Variants in PTPRT observed in about 807,000 individuals in gnomAD.
PTPRT encodes the protein protein tyrosine phosphatase receptor type T.
Under a neutral mutation model 176.8 loss-of-function variants are expected in PTPRT, and 56 were observed. That is an observed-to-expected ratio of 0.32 (90% CI 0.26 to 0.40). The LOEUF (loss-of-function observed/expected upper bound fraction) is 0.40, where lower values mean the gene tolerates loss of function less well. Ranked by LOEUF, PTPRT falls within the 10% of genes least tolerant of loss-of-function variation. PTPRT has a pLI of 1.00. For missense variants in PTPRT, 1,540 were observed against 1,908.2 expected (o/e 0.81, Z 3.60); for synonymous variants, 783 against 739.0 (o/e 1.06, Z -0.96).
At position 42,339,797 on chromosome 20, in the gene PTPRT, C is replaced by T. The variant is rs965729887; in HGVS notation, c.1865+10831G>A. ...TTATACCACTTCCCACATTCTATAT[C>T]CAGTGGAAGTGATGTGGGGAAATTT... On this transcript the variant is annotated intron_variant, in intron 11 of 30. Coordinates refer to ENST00000373187, the MANE Select transcript of PTPRT (RefSeq NM_007050.6). Among the ~76,000 whole-genome samples, 3 of 152,162 alleles carry T rather than the reference C, an allele frequency of 2.0e-5. No individual in the cohort carries two copies. The South Asian group carries it at 6.2e-4, about 31-fold the overall frequency.
intron 1 of PTPRT, among the ~76,000 whole-genome samples, chr20:43,120,114 T>G (rs2146357571): frequency 6.6e-6 from 1 of 152,254 alleles, no homozygotes; most frequent in East Asian, 1.9e-4. Context: ...TCCAGCACCC[T>G]GATTCTTAAA....
intron 2 of PTPRT, among the ~76,000 whole-genome samples, chr20:42,869,582 T>C (rs1348918902): frequency 6.6e-6 from 1 of 152,234 alleles, no homozygotes; most frequent in Non-Finnish European, 1.5e-5. Flanking sequence ...TTTGGAAGTA[T>C]ACAATTTGAT....
At chr20:42,656,526 T>C (rs1049464231) in intron 7 of PTPRT, among the ~76,000 whole-genome samples, 4 of 152,278 alleles carry the variant, frequency 2.6e-5, no homozygotes, top group South Asian at 2.1e-4. Flanking sequence ...ATAATAGCTA[T>C]AGATGGGCAT....
chr20:42,737,102 G>A (rs1232241413), intron 6 of PTPRT, among the ~76,000 whole-genome samples: 1 of 152,184 alleles, frequency 6.6e-6, no homozygotes, highest in African/African-American at 2.4e-5. Context: ...CCTGGTACCT[G>A]AGAATGTGGC....
intron 3 of PTPRT, among the ~76,000 whole-genome samples, chr20:42,783,742 A>G (rs2077248848): frequency 6.6e-6 from 1 of 152,212 alleles, no homozygotes; most frequent in African/African-American, 2.4e-5. Context: ...CACACTCTCA[A>G]GAAAATTCAA....
intron 1 of PTPRT, among the ~76,000 whole-genome samples, chr20:43,174,231 C>T (rs1174383403): frequency 6.6e-6 from 1 of 152,176 alleles, no homozygotes; most frequent in Non-Finnish European, 1.5e-5. Context: ...TCCTCTGGCT[C>T]AAGTCAAGTT....
chr20:42,293,062 T>A (rs565078228), intron 12 of PTPRT, among the ~76,000 whole-genome samples: 72 of 152,304 alleles, frequency 4.7e-4, no homozygotes, highest in Non-Finnish European at 8.4e-4. Context: ...CTATCAACTT[T>A]ATGAGATCTT....
At chr20:42,911,774 A>G (rs976817485) in intron 1 of PTPRT, among the ~76,000 whole-genome samples, 1 of 152,060 alleles carries the variant, frequency 6.6e-6, no homozygotes, top group Admixed American at 6.6e-5. Context: ...GGCTTTTGAG[A>G]CTTTTTTTCC....
intron 12 of PTPRT, among the ~76,000 whole-genome samples, chr20:42,306,416 T>C (rs932632978): frequency 1.3e-5 from 2 of 152,056 alleles, no homozygotes; most frequent in Admixed American, 1.3e-4. Flanking sequence ...GGCAGATAAA[T>C]GGGGCATGGA....
intron 12 of PTPRT, among the ~76,000 whole-genome samples, chr20:42,308,678 TAAGTA>T (rs1772482724): frequency 6.6e-6 from 1 of 152,208 alleles, no homozygotes; most frequent in Non-Finnish European, 1.5e-5. Flanking sequence ...CTTGAGATGT[TAAGTA>T]AACTGTTCAA....
At chr20:42,128,621 C>T in intron 19 of PTPRT, 133 bp downstream of exon 19, 1 of 687,894 alleles carries the variant, frequency 1.5e-6, no homozygotes, top group South Asian at 3.2e-5. Flanking sequence ...ACTTGGGTTA[C>T]ACTAGTTCCA....
intron 16 of PTPRT, among the ~76,000 whole-genome samples, chr20:42,171,307 T>G (rs1251031694): frequency 6.6e-6 from 1 of 152,014 alleles, no homozygotes; most frequent in East Asian, 1.9e-4. Context: ...CAGATATGAG[T>G]GTAAAAATCA....
chr20:43,117,779 G>A (rs2013113718), intron 1 of PTPRT, among the ~76,000 whole-genome samples: 1 of 152,152 alleles, frequency 6.6e-6, no homozygotes, highest in Admixed American at 6.5e-5. Context: ...GCCAGGTTTT[G>A]CTCTGAAACA....
At chr20:42,120,348 A>G (rs1331632545) in intron 19 of PTPRT, among the ~76,000 whole-genome samples, 1 of 152,224 alleles carries the variant, frequency 6.6e-6, no homozygotes, top group Non-Finnish European at 1.5e-5. Flanking sequence ...GATTATATGA[A>G]GAACACTGTA....
chr20:42,702,415 G>A (rs866620854), intron 6 of PTPRT, among the ~76,000 whole-genome samples: 1 of 152,198 alleles, frequency 6.6e-6, no homozygotes, highest in Admixed American at 6.5e-5. Flanking sequence ...CCACAACCTT[G>A]CTGCAGAGGC....
At chr20:42,606,234 T>G (rs938859845) in intron 7 of PTPRT, among the ~76,000 whole-genome samples, 4 of 148,298 alleles carry the variant, frequency 2.7e-5, no homozygotes, top group African/African-American at 7.4e-5. Context: ...GAACTGACCT[T>G]CTGGGCCACA....
intron 7 of PTPRT, among the ~76,000 whole-genome samples, chr20:42,624,005 C>CAAAAAAAAAAAAAAACA (rs1159094345): frequency 2.7e-4 from 37 of 135,752 alleles, no homozygotes; most frequent in Middle Eastern, 3.5e-3. Context: ...AAAACAATAG[C>CAAAAAAAAAAAAAAACA]AACAAACAAA....
chr20:43,077,877 A>C (rs999552036), intron 1 of PTPRT, among the ~76,000 whole-genome samples: 1 of 152,182 alleles, frequency 6.6e-6, no homozygotes, highest in Non-Finnish European at 1.5e-5. Flanking sequence ...CTCTTTTTCT[A>C]GACCAACCCT....
At position 42,386,392 on chromosome 20, in the gene PTPRT, G is replaced by C. The variant is rs192749358; in HGVS notation, c.1561-34107C>G. On this transcript the variant is annotated intron_variant, in intron 9 of 30. Coordinates refer to ENST00000373187, the MANE Select transcript of PTPRT (RefSeq NM_007050.6). Reference sequence around the variant, plus strand: ...CCTAACTAAAAATGGAGGTAAAACTGAGAGAATTTGAAGATCCTCTGGAGG... The same window carrying C: ...CCTAACTAAAAATGGAGGTAAAACTCAGAGAATTTGAAGATCCTCTGGAGG... Among the ~76,000 whole-genome samples the C allele has an allele frequency of 2.3e-3, 357 of 152,242 alleles. 1 individual carries two copies. The highest frequency in any genetic ancestry group is 8.3e-3 in the African/African-American group (343 of 41,526).
Sources: gnomAD v4.1 joint callset for allele counts (sites outside exome capture counted in the v4.1 genomes callset) on GRCh38, gnomAD v4.1.1 for gene constraint, MANE v1.5 for transcripts, NCBI Gene and HGNC (gene_info 2026-07-23, HGNC 2026-07-21) for gene names.